Variants in STS observed in about 807,000 individuals in gnomAD.
The protein encoded by STS is steroid sulfatase.
In STS, 7 loss-of-function variants were observed where a neutral mutation model predicts 26.8. The observed-to-expected ratio is 0.26, with a 90% CI of 0.15 to 0.49. The LOEUF is 0.49. Ranked by LOEUF, STS falls within the 20% of genes least tolerant of loss-of-function variation. STS has a pLI of 0.98. For synonymous variants in STS, 199 were observed against 189.4 expected (o/e 1.05, Z -0.42); for missense variants, 434 against 465.6 (o/e 0.93, Z 0.63).
chrX:7,294,559 A>T (rs1925575993), intron 7 of STS, among the ~76,000 whole-genome samples: 1 of 112,083 alleles, frequency 8.9e-6, no homozygotes, highest in Admixed American at 9.5e-5. Flanking sequence ...AAAAGCATTT[A>T]GTCTATTTTA....
chrX:7,185,921 G>A (rs1473829806), intron 1 of STS, among the ~76,000 whole-genome samples: 12 of 112,405 alleles, frequency 1.1e-4, no homozygotes, highest in Admixed American at 9.4e-4. Flanking sequence ...ACACAACCAA[G>A]GACTGTCAAT....
chrX:7,283,489 G>A (rs1250872368), intron 7 of STS, among the ~76,000 whole-genome samples: 1 of 111,902 alleles, frequency 8.9e-6, no homozygotes, highest in Non-Finnish European at 1.9e-5. Context: ...TTGAGGAGCT[G>A]AGGTCAATGA....
chrX:7,153,814 C>T (rs4830622), intron 1 of STS, among the ~76,000 whole-genome samples: 1 of 93,124 alleles, frequency 1.1e-5, no homozygotes, highest in Non-Finnish European at 2.2e-5. Flanking sequence ...TCCTCAACTC[C>T]CTCCCTCTCT....
chrX:7,172,943 T>A (rs1369617859), intron 1 of STS, among the ~76,000 whole-genome samples: 1 of 111,611 alleles, frequency 9.0e-6, no homozygotes, highest in Admixed American at 9.5e-5. Context: ...TCACTTTGTT[T>A]TATTTTATTC....
At chrX:7,232,348 A>G (rs1922099965) in intron 2 of STS, among the ~76,000 whole-genome samples, 1 of 112,206 alleles carries the variant, frequency 8.9e-6, no homozygotes, top group Admixed American at 9.4e-5. Context: ...CATTAGCGTT[A>G]GCAAAAGGCA....
chrX:7,200,617 C>T (rs996069801), intron 2 of STS, among the ~76,000 whole-genome samples: 5 of 111,288 alleles, frequency 4.5e-5, no homozygotes, highest in Non-Finnish European at 9.4e-5. Flanking sequence ...TTTGTGTGTT[C>T]AGTGACGGGA....
chrX:7,152,976 C>T (rs1288599408), intron 1 of STS, among the ~76,000 whole-genome samples: 1 of 112,143 alleles, frequency 8.9e-6, no homozygotes, highest in African/African-American at 3.2e-5. Context: ...TAGACACACA[C>T]TATTCTAAAA....
chrX:7,288,203 A>C (rs1265249109), intron 7 of STS, among the ~76,000 whole-genome samples: 2 of 108,150 alleles, frequency 1.8e-5, no homozygotes, highest in African/African-American at 6.8e-5. Context: ...TTTTGCAATA[A>C]ATTTTTGTAG....
intron 7 of STS, among the ~76,000 whole-genome samples, chrX:7,289,417 G>C (rs1227382529): frequency 3.6e-5 from 4 of 111,676 alleles, no homozygotes; most frequent in Non-Finnish European, 7.5e-5. Context: ...ATTCCCACTT[G>C]GATGAGGAGC....
intron 2 of STS, among the ~76,000 whole-genome samples, chrX:7,246,181 A>G (rs1397368753): frequency 1.8e-5 from 2 of 112,019 alleles, no homozygotes; most frequent in African/African-American, 6.5e-5. Context: ...GCCTAGCCGT[A>G]AAAAAACCCG....
At chrX:7,339,897 G>A (rs1372275093) in intron 10 of STS, among the ~76,000 whole-genome samples, 3 of 110,439 alleles carry the variant, frequency 2.7e-5, no homozygotes, top group Non-Finnish European at 5.7e-5. Flanking sequence ...TGAGATAAAC[G>A]TTCACTTTTC....
intron 2 of STS, 50 bp from the exon 3 acceptor site, chrX:7,253,146 G>A: frequency 8.3e-7 from 1 of 1,200,040 alleles, no homozygotes; most frequent in Non-Finnish European, 1.1e-6. Context: ...GCAAAACCTT[G>A]TCTCAAGCTG....
At chrX:7,282,237 G>A (rs768457359) in intron 7 of STS, among the ~76,000 whole-genome samples, 1 of 111,958 alleles carries the variant, frequency 8.9e-6, no homozygotes, top group African/African-American at 3.3e-5. Context: ...ATCTTGCTCT[G>A]TCACCCAGGC....
chrX:7,288,739 C>CAGTA (rs752155995), intron 7 of STS, among the ~76,000 whole-genome samples: 14 of 107,551 alleles, frequency 1.3e-4, no homozygotes, highest in Non-Finnish European at 2.7e-4. Flanking sequence ...CTTGATTGAT[C>CAGTA]AGTACTCTTG....
Position 7,190,982 on chromosome X carries a change from G to T in STS, c.-31G>T, listed in dbSNP as rs1416889673. ...TTAAGATCTTCCTGAGGACAATGGC[G>T]CAAGATCGTCTTCAGCTGTTCATAG... On this transcript the variant is annotated 5_prime_UTR_variant, in exon 2 of 11. Coordinates refer to ENST00000674429, the MANE Select transcript of STS (RefSeq NM_001320752.2). 2.7e-6 allele frequency: 2 copies of T among 751,416 alleles called. No homozygotes were observed. Among genetic ancestry groups the T allele is most frequent in the Admixed American group, 8.9e-5 (1 of 11,280 alleles). The allele number at this position is 751,416 out of a possible 1,213,427, so 61.9% of individuals were successfully genotyped here. A position where few individuals can be genotyped will look rare whatever the true frequency, so the allele number is the denominator to read the frequency against.
At chrX:7,325,531 A>G in intron 9 of STS, 33 bp downstream of exon 9, 1 of 1,205,843 alleles carries the variant, frequency 8.3e-7, no homozygotes, top group Non-Finnish European at 1.1e-6. Flanking sequence ...GGTATTGTTG[A>G]GCTCTGATTT....
chrX:7,311,242 T>G (rs1926462105), intron 8 of STS, among the ~76,000 whole-genome samples: 1 of 110,876 alleles, frequency 9.0e-6, no homozygotes, highest in Non-Finnish European at 1.9e-5. Context: ...GTTCTCACAC[T>G]CCGTTCTCTA....
chrX:7,324,561 C>G (rs1927282096), intron 8 of STS, among the ~76,000 whole-genome samples: 1 of 111,258 alleles, frequency 9.0e-6, no homozygotes, highest in Admixed American at 9.6e-5. Flanking sequence ...TCTATCAGGG[C>G]CTGCTATCTG....
intron 7 of STS, among the ~76,000 whole-genome samples, chrX:7,291,261 G>A (rs1440188675): frequency 9.0e-6 from 1 of 111,181 alleles, no homozygotes; most frequent in Non-Finnish European, 1.9e-5. Flanking sequence ...GTGATTTCTG[G>A]GCTCACCCAC....
Sources: gnomAD v4.1 joint callset for allele counts (sites outside exome capture counted in the v4.1 genomes callset) on GRCh38, gnomAD v4.1.1 for gene constraint, MANE v1.5 for transcripts, NCBI Gene and HGNC (gene_info 2026-07-23, HGNC 2026-07-21) for gene names.